FSTL4: variants seen among roughly 807,000 people sequenced by gnomAD.
FSTL4 encodes the protein follistatin like 4.
FSTL4 carries 28 observed loss-of-function variants against 78.2 expected under a neutral mutation model. The observed-to-expected ratio is 0.36, with a 90% CI of 0.27 to 0.49. The LOEUF (loss-of-function observed/expected upper bound fraction) is 0.49. Among genes scored for constraint, FSTL4 ranks in the 20% least tolerant of loss-of-function variants. FSTL4 has a pLI of 0.98. For missense variants in FSTL4, 922 were observed against 1,084.9 expected (o/e 0.85, Z 2.11); for synonymous variants, 422 against 440.5 (o/e 0.96, Z 0.53).
chr5:133,389,985 G>C (rs552280376), intron 4 of FSTL4, among the ~76,000 whole-genome samples: 14 of 152,340 alleles, frequency 9.2e-5, no homozygotes, highest in African/African-American at 2.9e-4. Flanking sequence ...GGAGGCAAAG[G>C]CTCAAAGAGG....
At chr5:133,443,351 C>A (rs892203905) in intron 3 of FSTL4, among the ~76,000 whole-genome samples, 2 of 152,242 alleles carry the variant, frequency 1.3e-5, no homozygotes, top group African/African-American at 4.8e-5. Context: ...AAAGCAAAAA[C>A]TCCAATGTTC....
chr5:133,516,748 G>T (rs1758858740), intron 3 of FSTL4, among the ~76,000 whole-genome samples: 2 of 152,038 alleles, frequency 1.3e-5, no homozygotes, highest in African/African-American at 2.4e-5. Context: ...TAAAACTAAG[G>T]TTACCAAAAC....
chr5:133,675,925 G>A, the FSTL4 span, among the ~76,000 whole-genome samples: 1 of 152,142 alleles, frequency 6.6e-6, no homozygotes, highest in African/African-American at 2.4e-5. Context: ...GTCAGCCTAG[G>A]AGAGTCTGAC....
intron 3 of FSTL4, among the ~76,000 whole-genome samples, chr5:133,471,359 C>A (rs1444032112): frequency 6.6e-6 from 1 of 152,080 alleles, no homozygotes; most frequent in African/African-American, 2.4e-5. Flanking sequence ...TTGCTCTGGT[C>A]CCAATGCTGT....
At chr5:133,616,336 T>TCTAC (rs1235369402), upstream of FSTL4, among the ~76,000 whole-genome samples, 1 of 151,770 alleles carries the variant, frequency 6.6e-6, no homozygotes, top group African/African-American at 2.4e-5. Context: ...TATCTATCTA[T>TCTAC]CTATCTATCT....
At chr5:133,636,295 A>G in the FSTL4 span, among the ~76,000 whole-genome samples, 1 of 152,178 alleles carries the variant, frequency 6.6e-6, no homozygotes, top group Non-Finnish European at 1.5e-5. Context: ...CAGCAGCCTG[A>G]GAGCTCCACT....
At chr5:133,487,900 C>T (rs941410868) in intron 3 of FSTL4, among the ~76,000 whole-genome samples, 18 of 152,170 alleles carry the variant, frequency 1.2e-4, no homozygotes, top group African/African-American at 4.3e-4. Context: ...GACACTTGGG[C>T]AAATCTCCCC....
chr5:133,742,378 G>A, the FSTL4 span, among the ~76,000 whole-genome samples: 1 of 152,204 alleles, frequency 6.6e-6, no homozygotes, highest in Non-Finnish European at 1.5e-5. Flanking sequence ...CCACAAGGAA[G>A]ATGTATACAG....
At chr5:133,283,239 C>CGTGTGTGTGT (rs112657706) in intron 6 of FSTL4, among the ~76,000 whole-genome samples, 1 of 148,698 alleles carries the variant, frequency 6.7e-6, no homozygotes, top group Non-Finnish European at 1.5e-5. Flanking sequence ...TTAAGCCTAG[C>CGTGTGTGTGT]GTGTGTGTGT....
intron 4 of FSTL4, among the ~76,000 whole-genome samples, chr5:133,333,387 C>T (rs780622805): frequency 6.6e-6 from 1 of 152,352 alleles, no homozygotes; most frequent in Admixed American, 6.5e-5. Context: ...TTCTGCCCAT[C>T]TCCACCTCCT....
the FSTL4 span, among the ~76,000 whole-genome samples, chr5:133,690,666 G>T: frequency 1.4e-4 from 21 of 152,288 alleles, no homozygotes; most frequent in African/African-American, 4.6e-4. Context: ...GGGCAAACAC[G>T]CAGGGGATGA....
intron 6 of FSTL4, among the ~76,000 whole-genome samples, chr5:133,294,445 G>A (rs544209865): frequency 3.1e-4 from 47 of 152,160 alleles, no homozygotes; most frequent in Non-Finnish European, 4.4e-5. Flanking sequence ...GGAAACCCCC[G>A]TGCATGCTCC....
chr5:133,398,928 C>T (rs534582378), intron 4 of FSTL4, among the ~76,000 whole-genome samples: 1 of 152,240 alleles, frequency 6.6e-6, no homozygotes, highest in Non-Finnish European at 1.5e-5. Context: ...CAGAAGGATT[C>T]GGTGGATAAA....
At chr5:133,687,023 AC>A in the FSTL4 span, among the ~76,000 whole-genome samples, 31 of 152,236 alleles carry the variant, frequency 2.0e-4, no homozygotes, top group Non-Finnish European at 4.0e-4. Flanking sequence ...AAGTGTGCAC[AC>A]AACAAAACAT....
the FSTL4 span, among the ~76,000 whole-genome samples, chr5:133,741,558 G>A: frequency 5.9e-3 from 905 of 152,324 alleles, 26 homozygotes; most frequent in East Asian, 0.095. Flanking sequence ...GAATGGGAGC[G>A]GGGGCAAGAA....
chr5:133,579,013 C>G (rs73283806), intron 2 of FSTL4, among the ~76,000 whole-genome samples: 4,115 of 152,312 alleles, frequency 0.027, 173 homozygotes, highest in African/African-American at 0.094. Flanking sequence ...CAGCATGGGG[C>G]TCTAACTCAG....
rs566897277 is a variant in FSTL4, at chr5:133,352,237, CAT to C, written c.410-35587_410-35586del. On this transcript the variant is annotated intron_variant, in intron 4 of 15. Coordinates refer to ENST00000265342, the MANE Select transcript of FSTL4 (RefSeq NM_015082.2). ...TCCCCACGTCTTTTGTTCTCACACA[CAT>C]ATATATATACACACATATATATATA... Among the ~76,000 whole-genome samples, 130 of 143,324 alleles carry C rather than the reference CAT, an allele frequency of 9.1e-4. No homozygotes were observed. In the South Asian group the frequency reaches 0.012, roughly 14 times the overall value. The allele number at this position is 143,324 out of a possible 152,430, so 94.0% of individuals were successfully genotyped here.
chr5:133,204,321 G>T (rs1347564450), intron 14 of FSTL4, among the ~76,000 whole-genome samples: 1 of 152,230 alleles, frequency 6.6e-6, no homozygotes, highest in Non-Finnish European at 1.5e-5. Flanking sequence ...ACACGTTCAT[G>T]TAGTCTTCCC....
chr5:133,738,069 C>A, the FSTL4 span, among the ~76,000 whole-genome samples: 1 of 152,126 alleles, frequency 6.6e-6, no homozygotes, highest in Non-Finnish European at 1.5e-5. Context: ...GTCTCTGGTT[C>A]AATTAAGTAG....
Sources: gnomAD v4.1 joint callset for allele counts (sites outside exome capture counted in the v4.1 genomes callset) on GRCh38, gnomAD v4.1.1 for gene constraint, MANE v1.5 for transcripts, NCBI Gene and HGNC (gene_info 2026-07-23, HGNC 2026-07-21) for gene names.